The following NEBL variants were observed in gnomAD, a reference collection of about 807,000 sequenced individuals.
NEBL encodes the protein nebulette.
NEBL carries 122 observed loss-of-function variants against 140.2 expected under a neutral mutation model. The observed-to-expected ratio is 0.87, with a 90% CI of 0.75 to 1.01. NEBL has a LOEUF of 1.01. Ranked by LOEUF, NEBL falls within the 50% of genes least tolerant of loss-of-function variation. The pLI, the probability that NEBL is intolerant of heterozygous loss-of-function variation, is 0.00. For synonymous variants in NEBL, 436 were observed against 398.9 expected (o/e 1.09, Z -1.11); for missense variants, 1,365 against 1,231.3 (o/e 1.11, Z -1.62).
At chr10:21,069,308 T>A (rs900719854) in intron 2 of NEBL, among the ~76,000 whole-genome samples, 2 of 152,182 alleles carry the variant, frequency 1.3e-5, no homozygotes, top group Admixed American at 1.3e-4. Context: ...AAGAAAGAAA[T>A]GAAATGGGGC....
At chr10:21,041,013 C>T (rs1834245098) in intron 2 of NEBL, among the ~76,000 whole-genome samples, 1 of 152,158 alleles carries the variant, frequency 6.6e-6, no homozygotes, top group South Asian at 2.1e-4. Flanking sequence ...ATTAATTACC[C>T]AGTCTCAGGT....
intron 2 of NEBL, among the ~76,000 whole-genome samples, chr10:20,896,557 T>A (rs1226729146): frequency 6.9e-6 from 1 of 145,538 alleles, no homozygotes; most frequent in Non-Finnish European, 1.5e-5. Context: ...TTCATTAGAT[T>A]GTTCAGAAGG....
At chr10:21,217,487 A>C (rs1032472081) in intron 3 of NEBL, among the ~76,000 whole-genome samples, 3 of 129,382 alleles carry the variant, frequency 2.3e-5, no homozygotes, top group Admixed American at 6.8e-5. Context: ...AGCAAGTTCT[A>C]AATACGACTG....
chr10:21,084,170 G>C (rs1836510823), intron 2 of NEBL, among the ~76,000 whole-genome samples: 1 of 152,240 alleles, frequency 6.6e-6, no homozygotes, highest in African/African-American at 2.4e-5. Flanking sequence ...AGAGATGGGA[G>C]TGGCTTTGAG....
intron 2 of NEBL, among the ~76,000 whole-genome samples, chr10:21,149,172 C>T (rs1057512200): frequency 3.3e-5 from 5 of 152,230 alleles, no homozygotes; most frequent in Non-Finnish European, 7.3e-5. Context: ...CAAGAGAACA[C>T]TGTAGTGAGA....
At position 21,183,386 on chromosome 10, in the gene NEBL, G is replaced by T. The variant is rs190840603; in HGVS notation, n.349-10909C>A. Among the ~76,000 whole-genome samples the T allele has an allele frequency of 3.3e-5, 5 of 152,190 alleles. No individual in the cohort carries two copies. In the East Asian group the frequency reaches 7.7e-4, roughly 24 times the overall value. On this transcript the variant is annotated intron_variant and non_coding_transcript_variant, in intron 3 of 8. Coordinates refer to the NEBL transcript ENST00000675702. ...AGCCGCAACCACAGGACAAGAGGGC[G>T]TCTGGACACCACCAGAAAGAGCACA... is the stretch of plus-strand genomic sequence containing the variant.
intron 1 of NEBL, among the ~76,000 whole-genome samples, chr10:21,288,511 C>T (rs934402843): frequency 6.6e-6 from 1 of 151,270 alleles, no homozygotes; most frequent in African/African-American, 2.4e-5. Flanking sequence ...GCCTGTAATC[C>T]CAGCACTTTG....
At chr10:21,232,310 C>A (rs577662095) in intron 3 of NEBL, among the ~76,000 whole-genome samples, 4 of 152,180 alleles carry the variant, frequency 2.6e-5, no homozygotes, top group Admixed American at 2.0e-4. Flanking sequence ...CAGTCCCCAA[C>A]CTTTTTGGCA....
At chr10:21,281,681 C>T (rs1842996106) in intron 1 of NEBL, among the ~76,000 whole-genome samples, 1 of 152,090 alleles carries the variant, frequency 6.6e-6, no homozygotes, top group African/African-American at 2.4e-5. Context: ...TCACGATCAC[C>T]TGGAGTCCAT....
chr10:21,022,723 G>A (rs1348441038), intron 2 of NEBL, among the ~76,000 whole-genome samples: 1 of 152,202 alleles, frequency 6.6e-6, no homozygotes, highest in African/African-American at 2.4e-5. Flanking sequence ...AAGAAGTCAT[G>A]CTTTTGAAGT....
chr10:21,010,697 G>T (rs1838304914), intron 3 of NEBL, among the ~76,000 whole-genome samples: 1 of 152,132 alleles, frequency 6.6e-6, no homozygotes, highest in South Asian at 2.1e-4. Context: ...CTTCTACATA[G>T]AAAACTTGAA....
chr10:21,184,956 T>C (rs1323000521), intron 3 of NEBL, among the ~76,000 whole-genome samples: 1 of 152,214 alleles, frequency 6.6e-6, no homozygotes, highest in African/African-American at 2.4e-5. Flanking sequence ...ATAAACATTA[T>C]TTTAACAAGT....
chr10:20,897,407 G>C, upstream of NEBL: 2 of 1,341,256 alleles, frequency 1.5e-6, no homozygotes, highest in African/African-American at 3.0e-5. Flanking sequence ...GGTCTACCAG[G>C]CTGGCCTCAC....
At chr10:21,211,785 A>T (rs1207040611) in intron 3 of NEBL, among the ~76,000 whole-genome samples, 1 of 152,170 alleles carries the variant, frequency 6.6e-6, no homozygotes, top group Non-Finnish European at 1.5e-5. Flanking sequence ...TTGGGGAAGG[A>T]TCCTCAAACC....
At chr10:21,041,288 T>C (rs923478626) in intron 2 of NEBL, among the ~76,000 whole-genome samples, 3 of 152,188 alleles carry the variant, frequency 2.0e-5, no homozygotes, top group African/African-American at 4.8e-5. Flanking sequence ...CTCCCACTTA[T>C]GAAGGAGAAC....
At chr10:21,172,276 G>T in intron 2 of NEBL, 1 of 868,316 alleles carries the variant, frequency 1.2e-6, no homozygotes. Context: ...ACTGGCCCCT[G>T]CCACACCTGG....
At chr10:21,030,296 G>C in intron 2 of NEBL, 2 of 649,648 alleles carry the variant, frequency 3.1e-6, no homozygotes, top group Non-Finnish European at 2.7e-6. Flanking sequence ...TCAGGAACTG[G>C]AACGGTGGAG....
intron 2 of NEBL, among the ~76,000 whole-genome samples, chr10:21,087,190 C>G (rs1371855456): frequency 2.0e-5 from 3 of 152,184 alleles, no homozygotes; most frequent in African/African-American, 7.2e-5. Context: ...CCTCCCCAGA[C>G]CCCCCACCAA....
At chr10:20,923,407 G>A (rs562147260) in intron 4 of NEBL, among the ~76,000 whole-genome samples, 17 of 151,984 alleles carry the variant, frequency 1.1e-4, no homozygotes, top group African/African-American at 3.6e-4. Context: ...GGCCAGGCAC[G>A]GTGGCTCATG....
Sources: gnomAD v4.1 joint callset for allele counts (sites outside exome capture counted in the v4.1 genomes callset) on GRCh38, gnomAD v4.1.1 for gene constraint, MANE v1.5 for transcripts, NCBI Gene and HGNC (gene_info 2026-07-23, HGNC 2026-07-21) for gene names.